The following SPTBN1 variants were observed in gnomAD, a reference collection of about 807,000 sequenced individuals.
The protein encoded by SPTBN1 is spectrin beta chain, non-erythrocytic 1.
A neutral mutation model predicts 266.4 loss-of-function variants in SPTBN1; 32 were observed. The observed-to-expected ratio is 0.12, with a 90% CI of 0.09 to 0.16. The LOEUF (loss-of-function observed/expected upper bound fraction) is 0.16. SPTBN1 is among the 10% of genes least tolerant of loss of function. SPTBN1 has a pLI of 1.00. For missense variants in SPTBN1, 2,296 were observed against 3,067.1 expected, an observed-to-expected ratio of 0.75 and a Z score of 5.94; for synonymous variants, 1,336 against 1,162.2, an observed-to-expected ratio of 1.15 and a Z score of -3.04.
intron 1 of SPTBN1, among the ~76,000 whole-genome samples, chr2:54,482,454 G>C (rs899701749): frequency 1.3e-5 from 2 of 152,170 alleles, no homozygotes; most frequent in African/African-American, 4.8e-5. Context: ...CTGGGATACA[G>C]AATGGGCACC....
intron 2 of SPTBN1, among the ~76,000 whole-genome samples, chr2:54,541,209 C>CCATT (rs1381742166): frequency 6.6e-6 from 1 of 152,168 alleles, no homozygotes; most frequent in Admixed American, 6.5e-5. Context: ...TCTATTAGCC[C>CCATT]CATTATATGT....
chr2:54,633,824 T>A (rs1678930712), intron 17 of SPTBN1, among the ~76,000 whole-genome samples: 1 of 152,248 alleles, frequency 6.6e-6, no homozygotes, highest in South Asian at 2.1e-4. Flanking sequence ...GGGATTACTC[T>A]GTTTCCAATA....
At chr2:54,609,669 G>C (rs1265348638) in intron 3 of SPTBN1, among the ~76,000 whole-genome samples, 1 of 152,132 alleles carries the variant, frequency 6.6e-6, no homozygotes, top group Non-Finnish European at 1.5e-5. Context: ...AGTAGACCAT[G>C]TCAGTGCCTT....
intron 2 of SPTBN1, among the ~76,000 whole-genome samples, chr2:54,585,039 T>A (rs961195199): frequency 1.3e-5 from 2 of 152,230 alleles, no homozygotes; most frequent in Admixed American, 6.5e-5. Context: ...TTAGCAACAC[T>A]GCAAGAGGTT....
In SPTBN1 at chr2:54,643,133, A is replaced by G; in HGVS notation, c.4005+4A>G. The G allele has an allele frequency of 1.9e-6, 3 of 1,614,114 alleles. No individual in the cohort carries two copies. The highest frequency in any genetic ancestry group is 1.7e-6 in the Non-Finnish European group (2 of 1,179,964). ...ATGGCTTGACAAAATCGAGAAGGTG[A>G]GTTAAAACATTTGATGTGGCCATGG... On this transcript the variant is annotated splice_donor_region_variant and intron_variant, in intron 19 of 35. Transcript: ENST00000356805.
chr2:54,607,242 A>G (rs1285855826), intron 3 of SPTBN1, among the ~76,000 whole-genome samples: 1 of 152,242 alleles, frequency 6.6e-6, no homozygotes, highest in African/African-American at 2.4e-5. Flanking sequence ...AGAAATAAAC[A>G]GTGATACAAT....
At chr2:54,595,654 G>A (rs1333776209) in intron 2 of SPTBN1, among the ~76,000 whole-genome samples, 3 of 152,148 alleles carry the variant, frequency 2.0e-5, no homozygotes, top group African/African-American at 4.8e-5. Flanking sequence ...TGCTGCCTTC[G>A]AGCTGACCTG....
intron 1 of SPTBN1, among the ~76,000 whole-genome samples, chr2:54,497,611 A>C (rs1669037000): frequency 6.6e-6 from 1 of 152,210 alleles, no homozygotes; most frequent in Non-Finnish European, 1.5e-5. Context: ...CCTCAAAGGC[A>C]AAACTAACTT....
chr2:54,616,545 A>T (rs555684934), intron 5 of SPTBN1, among the ~76,000 whole-genome samples: 1 of 152,342 alleles, frequency 6.6e-6, no homozygotes, highest in South Asian at 2.1e-4. Flanking sequence ...TCCAGAGAGC[A>T]TTATATTTTG....
intron 1 of SPTBN1, among the ~76,000 whole-genome samples, chr2:54,514,656 C>T (rs1670021362): frequency 6.6e-6 from 1 of 152,128 alleles, no homozygotes; most frequent in Non-Finnish European, 1.5e-5. Flanking sequence ...TGAATGGGAC[C>T]CATGATATGT....
At chr2:54,668,005 A>T (rs990894896) in intron 35 of SPTBN1, among the ~76,000 whole-genome samples, 4 of 152,126 alleles carry the variant, frequency 2.6e-5, no homozygotes, top group African/African-American at 9.7e-5. Flanking sequence ...CACCTCAAGG[A>T]AAGAGAGAGT....
intron 3 of SPTBN1, 95 bp from the exon 4 acceptor site, chr2:54,612,066 A>G (rs1677253991): frequency 7.4e-6 from 9 of 1,212,688 alleles, no homozygotes; most frequent in South Asian, 4.6e-5. Flanking sequence ...GCGGGAGAGC[A>G]TTGCATGAAT....
chr2:54,524,455 C>G (rs890746213), intron 1 of SPTBN1, among the ~76,000 whole-genome samples: 4 of 152,116 alleles, frequency 2.6e-5, no homozygotes, highest in African/African-American at 9.7e-5. Flanking sequence ...CTAGTCAGTC[C>G]TTCACCAGGC....
At chr2:54,580,734 G>A (rs1674837009) in intron 2 of SPTBN1, among the ~76,000 whole-genome samples, 1 of 152,004 alleles carries the variant, frequency 6.6e-6, no homozygotes, top group African/African-American at 2.4e-5. Flanking sequence ...TACAGGCCTG[G>A]GGGAGCCAAT....
chr2:54,615,663 T>C (rs1179039031), intron 4 of SPTBN1, among the ~76,000 whole-genome samples: 1 of 152,190 alleles, frequency 6.6e-6, no homozygotes, highest in Non-Finnish European at 1.5e-5. Context: ...CCAGGCAGTC[T>C]GACTTTGGTG....
rs1680868405 is a variant in SPTBN1 at position 54,659,140 on chromosome 2, C to CT, written c.6244-13dup. 5 of 1,613,512 alleles carry CT rather than the reference C, an allele frequency of 3.1e-6. No individual in the cohort carries two copies. In the Admixed American group the frequency reaches 8.3e-5, roughly 27 times the overall value. Reference sequence around the variant, plus strand: ...GTTTGGGACTCTACCAAACATCACTCTATTTTCTCTTAGTTGGAGTTACTG... The same window carrying CT: ...GTTTGGGACTCTACCAAACATCACTCTTATTTTCTCTTAGTTGGAGTTACTG... On this transcript the variant is annotated splice_polypyrimidine_tract_variant and intron_variant, in intron 30 of 35. Coordinates refer to ENST00000356805, the MANE Select transcript of SPTBN1 (RefSeq NM_003128.3).
At chr2:54,615,732 A>G (rs1291170427) in intron 4 of SPTBN1, among the ~76,000 whole-genome samples, 1 of 152,202 alleles carries the variant, frequency 6.6e-6, no homozygotes, top group Non-Finnish European at 1.5e-5. Flanking sequence ...GCGGCTTATG[A>G]AGGCACACCA....
intron 2 of SPTBN1, among the ~76,000 whole-genome samples, chr2:54,588,559 C>T (rs959664667): frequency 6.6e-6 from 1 of 152,164 alleles, no homozygotes; most frequent in Non-Finnish European, 1.5e-5. Flanking sequence ...GATCCCAAAA[C>T]CAGTCTGTGC....
chr2:54,491,242 C>T (rs1388244779), intron 1 of SPTBN1, among the ~76,000 whole-genome samples: 1 of 152,206 alleles, frequency 6.6e-6, no homozygotes, highest in Non-Finnish European at 1.5e-5. Context: ...TAGCCTGTCA[C>T]TGTGAGGATT....
Sources: gnomAD v4.1 joint callset for allele counts (sites outside exome capture counted in the v4.1 genomes callset) on GRCh38, gnomAD v4.1.1 for gene constraint, MANE v1.5 for transcripts, NCBI Gene and HGNC (gene_info 2026-07-23, HGNC 2026-07-21) for gene names.